Variants in EDEM3 observed in about 807,000 individuals in gnomAD.
EDEM3 encodes the protein ER degradation-enhancing alpha-mannosidase-like protein 3.
Under a neutral mutation model 110.2 loss-of-function variants are expected in EDEM3, and 60 were observed. The ratio of observed to expected loss-of-function variants is 0.54; its 90% CI spans 0.44 to 0.67. The LOEUF is 0.67. Among genes scored for constraint, EDEM3 ranks in the 30% least tolerant of loss-of-function variants. The pLI is 0.00. For synonymous variants in EDEM3, 352 were observed against 382.9 expected (o/e 0.92, Z 0.94); for missense variants, 996 against 1,121.0 (o/e 0.89, Z 1.59).
intron 2 of EDEM3, among the ~76,000 whole-genome samples, chr1:184,741,872 T>C (rs752334765): frequency 2.0e-5 from 3 of 152,206 alleles, no homozygotes; most frequent in Non-Finnish European, 2.9e-5. Context: ...CTTCAGAAGT[T>C]TGAAGATACA....
chr1:184,719,438 T>C lies in EDEM3; in HGVS notation c.1077+5A>G. On this transcript the variant is annotated splice_donor_5th_base_variant and intron_variant, in intron 10 of 19. Transcript: ENST00000318130. ...TTCATATTAAGAAGACAGAATTCTT[T>C]ATACCTGCAAGCCTGGGAAGAAGGC... 1 of 1,609,230 alleles carries C rather than the reference T, an allele frequency of 6.2e-7. No individual in the cohort carries two copies. Among genetic ancestry groups the C allele is most frequent in the Non-Finnish European group, 8.5e-7 (1 of 1,178,692 alleles).
chr1:184,714,707 T>C (rs1454774556), intron 13 of EDEM3, among the ~76,000 whole-genome samples: 2 of 152,140 alleles, frequency 1.3e-5, no homozygotes, highest in Non-Finnish European at 2.9e-5. Context: ...ACTGGTAGTT[T>C]AGCTAATGAG....
chr1:184,731,895 A>C (rs1424693159), intron 6 of EDEM3, among the ~76,000 whole-genome samples: 1 of 152,174 alleles, frequency 6.6e-6, no homozygotes, highest in Non-Finnish European at 1.5e-5. Flanking sequence ...TAAGCCAGGC[A>C]CCTGGGTGTG....
chr1:184,719,162 C>G lies in EDEM3; in HGVS notation c.1161G>C (p.Glu387Asp), dbSNP rs750485298. 6.5e-7 allele frequency: 1 copy of G among 1,548,876 alleles called. No individual in the cohort carries two copies. Among genetic ancestry groups the G allele is most frequent in the Non-Finnish European group, 8.7e-7 (1 of 1,148,944 alleles). Residue 387 changes from glutamate (E) to aspartate (D), a missense_variant and splice_region_variant, in exon 11 of 20, where the codon GAG (glutamate) becomes GAC (aspartate). Glu to Asp is a conservative substitution (Grantham distance 45). Around this residue, in one of 5 missense-constraint regions of EDEM3, gnomAD observed 310 missense variants for 394.6 expected, o/e 0.79. Coordinates refer to ENST00000318130, the MANE Select transcript of EDEM3 (RefSeq NM_025191.4). ...QVIKKHNFLP[E>D]AFTTDFRVHW... ...ATTATTCCAAAAATTATTTGCTTAC[C>G]TCTGGTAGAAAATTGTGTTTTTTAA... is the stretch of plus-strand genomic sequence containing the variant.
In EDEM3 at chr1:184,712,499, T is replaced by G. The variant is rs1300113963; in HGVS notation, c.1470A>C (p.Thr490=). ...IIFDIEDYIF[T]TEAHLLPLWL... ...AAAGAGGTAACAGATGAGCTTCTGT[T>G]GTAAAGATGTAATCTTCTATGTCAA... The change falls in exon 14 of 20, where the codon ACA becomes ACC. Residue 490 remains threonine (T), a synonymous_variant. Coordinates refer to ENST00000318130, the MANE Select transcript of EDEM3 (RefSeq NM_025191.4). 6.2e-7 allele frequency: 1 copy of G among 1,606,906 alleles called. No homozygotes were observed. The highest frequency in any genetic ancestry group is 1.1e-5 in the South Asian group (1 of 89,230).
At chr1:184,722,317 A>C (rs1650950379) in intron 8 of EDEM3, among the ~76,000 whole-genome samples, 1 of 152,040 alleles carries the variant, frequency 6.6e-6, no homozygotes, top group South Asian at 2.1e-4. Flanking sequence ...GTGTTATGAC[A>C]TAATGGATTT....
intron 1 of EDEM3, among the ~76,000 whole-genome samples, chr1:184,750,947 T>C (rs1652728334): frequency 6.6e-6 from 1 of 152,116 alleles, no homozygotes; most frequent in African/African-American, 2.4e-5. Flanking sequence ...TAATCACAGA[T>C]TATGAAATAC....
In EDEM3 at chr1:184,708,214, C is replaced by A. The variant is rs1206307303; in HGVS notation, c.1976G>T (p.Gly659Val). Residue 659 changes from glycine (G) to valine (V), a missense_variant, in exon 17 of 20, where the codon GGC becomes GTC. Gly to Val is a moderately radical substitution (Grantham distance 109). This residue lies in a region of EDEM3 where 345 missense variants were observed against 402.0 expected (regional missense o/e 0.86). Transcript: ENST00000318130. ...TGGTCCAGCAGTCAATACTACCCTG[C>A]CAAAAAATGGGTGGGAAACAATTTG... ...AVQIVSHPFFGRVVLTAGPAQ... is the reference protein window; with the variant it reads ...AVQIVSHPFFVRVVLTAGPAQ... 1 of 1,613,496 alleles carries A rather than the reference C, an allele frequency of 6.2e-7. No homozygotes were observed. The highest frequency in any genetic ancestry group is 8.5e-7 in the Non-Finnish European group (1 of 1,179,826).
chr1:184,711,856 C>G lies in EDEM3; in HGVS notation c.1558G>C (p.Asp520His), dbSNP rs1571364800. 6.2e-7 allele frequency: 1 copy of G among 1,612,232 alleles called. No individual in the cohort carries two copies. Among genetic ancestry groups the G allele is most frequent in the East Asian group, 2.2e-5 (1 of 44,796 alleles). ...KNTTSEYTEL[D>H]DSNFDWTCPN... ...CAAGTCCAATCGAAGTTACTGTCAT[C>G]CAGTTCTGTATATTCCGAGGTCTAC... The change falls in exon 15 of 20, where the codon GAT becomes CAT. Residue 520 changes from aspartate to histidine, a missense_variant. Asp to His is a moderately conservative substitution (Grantham distance 81). Coordinates refer to ENST00000318130, the MANE Select transcript of EDEM3 (RefSeq NM_025191.4).
intron 2 of EDEM3, among the ~76,000 whole-genome samples, chr1:184,738,286 T>C (rs1651943230): frequency 6.6e-6 from 1 of 152,168 alleles, no homozygotes; most frequent in South Asian, 2.1e-4. Flanking sequence ...TATCTCTAAT[T>C]CATGGATGAA....
chr1:184,750,113 C>T (rs1374177898), intron 1 of EDEM3, among the ~76,000 whole-genome samples: 2 of 152,190 alleles, frequency 1.3e-5, no homozygotes, highest in Non-Finnish European at 2.9e-5. Context: ...GAATAAACCA[C>T]TAATGCCTAG....
At chr1:184,698,618 A>G (rs1040709236) in intron 19 of EDEM3, among the ~76,000 whole-genome samples, 4 of 151,942 alleles carry the variant, frequency 2.6e-5, no homozygotes, top group Admixed American at 2.6e-4. Context: ...TCTCAGAAAG[A>G]TGAGAGATTA....
intron 13 of EDEM3, among the ~76,000 whole-genome samples, chr1:184,714,608 C>T (rs1282789108): frequency 1.3e-5 from 2 of 152,120 alleles, no homozygotes; most frequent in African/African-American, 4.8e-5. Context: ...TGCCACAAGG[C>T]ACTGGTTGGG....
chr1:184,719,511 T>C lies in EDEM3; in HGVS notation c.1009A>G (p.Ile337Val). ...SQPPLLLDVH[I>V]HKPMLNARTW... ...CGAGCATTCAGCATTGGTTTGTGGATATGCACATCAAGTAGAAGAGGTGGC... is the reference window on the plus strand; with the variant it reads ...CGAGCATTCAGCATTGGTTTGTGGACATGCACATCAAGTAGAAGAGGTGGC... The change falls in exon 10 of 20, where the codon ATC (isoleucine) becomes GTC (valine). Residue 337 changes from isoleucine to valine, a missense_variant. Ile to Val is a conservative substitution (Grantham distance 29). Transcript: ENST00000318130. 6.2e-7 allele frequency: 1 copy of C among 1,614,046 alleles called. No individual in the cohort carries two copies. The highest frequency in any genetic ancestry group is 8.5e-7 in the Non-Finnish European group (1 of 1,179,986).
At chr1:184,745,150 C>T (rs952536096) in intron 2 of EDEM3, among the ~76,000 whole-genome samples, 5 of 151,944 alleles carry the variant, frequency 3.3e-5, no homozygotes, top group African/African-American at 4.8e-5. Context: ...ATTAGCTGAA[C>T]GATCTGGTTC....
intron 1 of EDEM3, among the ~76,000 whole-genome samples, chr1:184,749,938 C>T (rs370797096): frequency 6.6e-6 from 1 of 152,268 alleles, no homozygotes; most frequent in East Asian, 1.9e-4. Context: ...AATTATTTAA[C>T]GTATCTGTCT....
intron 19 of EDEM3, among the ~76,000 whole-genome samples, chr1:184,697,417 C>A (rs1216845681): frequency 2.0e-5 from 3 of 151,630 alleles, no homozygotes; most frequent in African/African-American, 7.3e-5. Flanking sequence ...AAAGAGAAGC[C>A]AAGAAATTCT....
Position 184,746,891 on chromosome 1 carries a change from A to G in EDEM3, c.204+2656T>C, listed in dbSNP as rs189393351. On this transcript the variant is annotated intron_variant, in intron 2 of 19. Coordinates refer to ENST00000318130, the MANE Select transcript of EDEM3 (RefSeq NM_025191.4). ...TGTACCAGGCATTTTATATTTTAGG[A>G]TAGTAGGCAACTGACTACAAAAAAG... 6.2e-3 allele frequency among the ~76,000 whole-genome samples: 949 copies of G among 152,270 alleles called. 11 individuals carry two copies. The highest frequency in any genetic ancestry group is 0.027 in the Middle Eastern group (8 of 294).
chr1:184,745,807 G>C (rs1207779677), intron 2 of EDEM3, among the ~76,000 whole-genome samples: 1 of 152,068 alleles, frequency 6.6e-6, no homozygotes, highest in Non-Finnish European at 1.5e-5. Flanking sequence ...AATGTTTAGG[G>C]CTCTTACCAG....
Sources: allele counts gnomAD v4.1 joint callset (sites outside exome capture counted in the v4.1 genomes callset), GRCh38; gene constraint gnomAD v4.1.1; regional missense constraint gnomAD v4.1.1; transcripts MANE v1.5; gene names NCBI Gene and HGNC (gene_info 2026-07-23, HGNC 2026-07-21).